Variants in EPDR1 observed in about 807,000 individuals in gnomAD.
EPDR1 encodes the protein ependymin related 1, also known as mammalian ependymin-related protein 1.
Under a neutral mutation model 23.7 loss-of-function variants are expected in EPDR1, and 27 were observed. The ratio of observed to expected loss-of-function variants is 1.14; its 90% CI spans 0.84 to 1.57. The LOEUF is 1.57. Among genes scored for constraint, EPDR1 ranks in the 40% most tolerant of loss-of-function variants. EPDR1 has a pLI of 0.00. For missense variants in EPDR1, 349 were observed against 290.4 expected (o/e 1.20, Z -1.47); for synonymous variants, 137 against 118.2 (o/e 1.16, Z -1.03).
intron 2 of EPDR1, 140 bp from the exon 3 acceptor site, chr7:37,950,060 T>G: frequency 1.7e-6 from 1 of 584,042 alleles, no homozygotes; most frequent in Non-Finnish European, 2.9e-6. Flanking sequence ...TCAACAAATG[T>G]GAATGTACTC....
chr7:37,925,325 TC>T (rs1180736483), intron 1 of EPDR1, among the ~76,000 whole-genome samples: 1 of 152,202 alleles, frequency 6.6e-6, no homozygotes, highest in African/African-American at 2.4e-5. Flanking sequence ...TCAATGAAGC[TC>T]TTAATGCAGA....
At chr7:37,926,855 T>A in intron 1 of EPDR1, 1 of 321,826 alleles carries the variant, frequency 3.1e-6, no homozygotes, top group East Asian at 7.5e-5. Flanking sequence ...TATCCCATTC[T>A]TCATTAATCT....
intron 1 of EPDR1, among the ~76,000 whole-genome samples, chr7:37,922,181 A>T (rs1415512595): frequency 6.6e-6 from 1 of 152,184 alleles, no homozygotes; most frequent in Non-Finnish European, 1.5e-5. Flanking sequence ...CCATGGTTTG[A>T]AACGCCAATG....
chr7:37,948,625 G>A (rs1360446878), intron 1 of EPDR1, among the ~76,000 whole-genome samples: 1 of 152,174 alleles, frequency 6.6e-6, no homozygotes, highest in Non-Finnish European at 1.5e-5. Flanking sequence ...TGGGATTACA[G>A]GGATGAGCCA....
At chr7:37,934,692 C>G (rs1786014309) in intron 1 of EPDR1, among the ~76,000 whole-genome samples, 1 of 152,028 alleles carries the variant, frequency 6.6e-6, no homozygotes, top group South Asian at 2.1e-4. Flanking sequence ...GCCTGTAATA[C>G]CAGCATTCTG....
At chr7:37,922,665 T>TGGGG (rs145894040) in intron 1 of EPDR1, among the ~76,000 whole-genome samples, 3,859 of 149,626 alleles carry the variant, frequency 0.026, 71 homozygotes, top group Middle Eastern at 0.049. Flanking sequence ...TTGAGGAAGC[T>TGGGG]AGGGGGGGGT....
In EPDR1 at chr7:37,950,554, C is replaced by A; in HGVS notation, c.*158C>A. 1.4e-6 allele frequency: 1 copy of A among 725,992 alleles called. No individual in the cohort carries two copies. Among genetic ancestry groups the A allele is most frequent in the Non-Finnish European group, 2.2e-6 (1 of 454,940 alleles). 45.0% of individuals were successfully genotyped at this position (725,992 alleles called of 1,614,324 possible). On this transcript the variant is annotated 3_prime_UTR_variant, in exon 3 of 3. Transcript: ENST00000199448. ...GGGGTTTTGATGTGTCTGATTTTGA[C>A]TACTCAAGCTCTGTTTACAGAAGAA... is the stretch of plus-strand genomic sequence containing the variant.
intron 1 of EPDR1, among the ~76,000 whole-genome samples, chr7:37,938,207 G>A (rs1415344568): frequency 1.3e-5 from 2 of 151,778 alleles, no homozygotes; most frequent in African/African-American, 4.8e-5. Flanking sequence ...AGCCAGGATG[G>A]TCTCCATCTC....
At chr7:37,937,540 A>G (rs940863292) in intron 1 of EPDR1, among the ~76,000 whole-genome samples, 4 of 152,240 alleles carry the variant, frequency 2.6e-5, no homozygotes, top group Non-Finnish European at 5.9e-5. Flanking sequence ...ATGAACAGTC[A>G]GTTCATGGAA....
In EPDR1 at chr7:37,950,563, C is replaced by G. The variant is rs1660733567; in HGVS notation, c.*167C>G. The G allele has an allele frequency of 2.9e-6, 2 of 690,184 alleles. No homozygotes were observed. The highest frequency in any genetic ancestry group is 3.6e-5 in the African/African-American group (2 of 55,628). 42.8% of individuals were successfully genotyped at this position (690,184 alleles called of 1,614,324 possible). On this transcript the variant is annotated 3_prime_UTR_variant, in exon 3 of 3. Transcript: ENST00000199448. ...ATGTGTCTGATTTTGACTACTCAAG[C>G]TCTGTTTACAGAAGAAAATTGAATG...
chr7:37,948,446 T>G (rs1025052821), intron 1 of EPDR1, among the ~76,000 whole-genome samples: 2 of 151,852 alleles, frequency 1.3e-5, no homozygotes, highest in South Asian at 4.2e-4. Flanking sequence ...CAGGCTCAAG[T>G]GATCCTCTTA....
intron 1 of EPDR1, among the ~76,000 whole-genome samples, chr7:37,935,397 G>A (rs769448300): frequency 8.5e-5 from 13 of 152,154 alleles, no homozygotes; most frequent in East Asian, 1.9e-4. Context: ...CCTGTTAAAC[G>A]TTAACTGATG....
At chr7:37,937,956 T>C (rs545292115) in intron 1 of EPDR1, among the ~76,000 whole-genome samples, 17 of 149,952 alleles carry the variant, frequency 1.1e-4, no homozygotes, top group African/African-American at 4.1e-4. Context: ...TTTTTACATA[T>C]TAACTGAAGA....
Position 37,920,956 on chromosome 7 carries a change from C to G in EPDR1, c.17C>G (p.Pro6Arg), listed in dbSNP as rs1399388766. The change falls in exon 1 of 3, where the codon CCC (proline) becomes CGC (arginine). Residue 6 changes from proline to arginine, a missense_variant. Physicochemically the swap from Pro to Arg is moderately radical, Grantham distance 103. Transcript: ENST00000199448. The part of the protein sequence containing the change: MPGRA[P>R]LRTVPGALGA... ...CTGACCGCGATGCCAGGACGCGCTCCCCTCCGCACCGTCCCGGGCGCCCTG... is the reference window on the plus strand; with the variant it reads ...CTGACCGCGATGCCAGGACGCGCTCGCCTCCGCACCGTCCCGGGCGCCCTG... 1 of 1,590,258 alleles carries G rather than the reference C, an allele frequency of 6.3e-7. No homozygotes were observed. Among genetic ancestry groups the G allele is most frequent in the Non-Finnish European group, 8.5e-7 (1 of 1,169,604 alleles).
At chr7:37,921,283 C>T in intron 1 of EPDR1, 75 bp downstream of exon 1, 2 of 1,494,604 alleles carry the variant, frequency 1.3e-6, no homozygotes, top group Non-Finnish European at 1.8e-6. Flanking sequence ...CAGAGGCCTG[C>T]GCCCTGTAAC....
chr7:37,933,034 A>C (rs73693210), intron 1 of EPDR1, among the ~76,000 whole-genome samples: 1,889 of 152,244 alleles, frequency 0.012, 43 homozygotes, highest in African/African-American at 0.043. Context: ...AAGTAATTTA[A>C]TTTTCCTTTT....
intron 1 of EPDR1, among the ~76,000 whole-genome samples, chr7:37,926,478 CAAA>C (rs55920283): frequency 0.22 from 26,975 of 120,420 alleles, 2,469 homozygotes; most frequent in African/African-American, 0.26. Context: ...TTCTTCATAG[CAAA>C]AAAAAAAAAA....
Position 37,920,681 on chromosome 7 carries a change from G to C in EPDR1, c.-259G>C, listed in dbSNP as rs779239107. ...GCAGAAGGCAGTGGCAGCAGGCAGTGGCAGCAGGCAGTGGCCCAGGCAGAA... is the reference window on the plus strand; with the variant it reads ...GCAGAAGGCAGTGGCAGCAGGCAGTCGCAGCAGGCAGTGGCCCAGGCAGAA... On this transcript the variant is annotated 5_prime_UTR_variant, in exon 1 of 3. Coordinates refer to ENST00000199448, the MANE Select transcript of EPDR1 (RefSeq NM_017549.5). 6.3e-7 allele frequency: 1 copy of C among 1,592,706 alleles called. No homozygotes were observed. The highest frequency in any genetic ancestry group is 1.1e-5 in the South Asian group (1 of 89,958).
chr7:37,932,353 C>A (rs1315145591), intron 1 of EPDR1, among the ~76,000 whole-genome samples: 1 of 151,992 alleles, frequency 6.6e-6, no homozygotes, highest in Non-Finnish European at 1.5e-5. Context: ...CCCAAGCTGG[C>A]CTCAAACTCC....
Sources: allele counts gnomAD v4.1 joint callset (sites outside exome capture counted in the v4.1 genomes callset), GRCh38; gene constraint gnomAD v4.1.1; transcripts MANE v1.5; gene names NCBI Gene and HGNC (gene_info 2026-07-23, HGNC 2026-07-21).